Variants in KMT2C observed in about 807,000 individuals in gnomAD.
KMT2C encodes lysine methyltransferase 2C, also known as histone-lysine N-methyltransferase 2C.
In KMT2C, 88 loss-of-function variants were observed where a neutral mutation model predicts 507.9. That is an observed-to-expected ratio of 0.17 (90% CI 0.15 to 0.21). The LOEUF is 0.21. Ranked by LOEUF, KMT2C falls within the 10% of genes least tolerant of loss-of-function variation. KMT2C has a pLI of 1.00. For synonymous variants in KMT2C, 2,049 were observed against 2,080.8 expected, an observed-to-expected ratio of 0.98 and a Z score of 0.42; for missense variants, 4,954 against 5,957.8, an observed-to-expected ratio of 0.83 and a Z score of 5.55.
chr7:152,345,158 C>T (rs919344903), intron 2 of KMT2C, among the ~76,000 whole-genome samples: 40 of 152,084 alleles, frequency 2.6e-4, no homozygotes, highest in South Asian at 2.1e-4. Context: ...GGTGGCTCAT[C>T]CCAGTAATCC....
In KMT2C at chr7:152,329,576, T is replaced by TA. The variant is rs1316478343; in HGVS notation, c.389+1024dup. On this transcript the variant is annotated intron_variant, in intron 3 of 58. Coordinates refer to ENST00000262189, the MANE Select transcript of KMT2C (RefSeq NM_170606.3). The stretch of plus-strand genomic sequence containing the variant: ...CAGAGTAAGACCTTGCCTCAAAAAA[T>TA]AAAAAAAAAAAGAAAGGAAAGGAAG... Among the ~76,000 whole-genome samples, 343 of 74,606 alleles carry TA rather than the reference T, an allele frequency of 4.6e-3. 1 individual carries two copies. Among genetic ancestry groups the TA allele is most frequent in the Admixed American group, 8.5e-3 (57 of 6,706 alleles). The allele number at this position is 74,606 out of a possible 152,430, so 48.9% of individuals were successfully genotyped here.
intron 55 of KMT2C, among the ~76,000 whole-genome samples, chr7:152,141,935 T>A (rs1339691396): frequency 6.6e-6 from 1 of 151,920 alleles, no homozygotes; most frequent in Non-Finnish European, 1.5e-5. Flanking sequence ...GGTAAGAGGA[T>A]CGCTTGAGCC....
chr7:152,239,176 C>G (rs1298802277), intron 14 of KMT2C: 2 of 189,398 alleles, frequency 1.1e-5, no homozygotes, highest in Non-Finnish European at 2.1e-5. Flanking sequence ...AGAATTAACA[C>G]TAGAAGAAAG....
At chr7:152,382,137 G>A (rs1403693200) in intron 1 of KMT2C, among the ~76,000 whole-genome samples, 1 of 152,182 alleles carries the variant, frequency 6.6e-6, no homozygotes, top group African/African-American at 2.4e-5. Flanking sequence ...TCCCTCAGGA[G>A]TAGCCTTTTT....
rs2129089899 is a variant in KMT2C, at chr7:152,139,751, G to A, written c.14384C>T (p.Thr4795Ile). ...AGTCCCGATGTACTCAATGACCATG[G>A]TGTGTTTCTCAATGTCTCGAGCAGC... ...LYAARDIEKH[T>I]MVIEYIGTII... Residue 4795 changes from threonine (T) to isoleucine (I), a missense_variant, in exon 56 of 59, where the codon ACC (threonine) becomes ATC (isoleucine). Thr to Ile is a moderately conservative substitution (Grantham distance 89). This residue lies in a region of KMT2C where 133 missense variants were observed against 258.9 expected (regional missense o/e 0.51). Coordinates refer to ENST00000262189, the MANE Select transcript of KMT2C (RefSeq NM_170606.3). 1.2e-6 allele frequency: 2 copies of A among 1,614,026 alleles called. No individual in the cohort carries two copies. The highest frequency in any genetic ancestry group is 1.7e-6 in the Non-Finnish European group (2 of 1,179,988).
chr7:152,252,919 C>T (rs934378626), intron 9 of KMT2C, among the ~76,000 whole-genome samples: 6 of 151,830 alleles, frequency 4.0e-5, no homozygotes, highest in African/African-American at 1.5e-4. Context: ...GTGGCGCAAT[C>T]TTGGCTCACT....
intron 41 of KMT2C, among the ~76,000 whole-genome samples, chr7:152,168,397 T>G (rs951657316): frequency 6.6e-6 from 1 of 152,206 alleles, no homozygotes; most frequent in South Asian, 2.1e-4. Flanking sequence ...TAGTAACAAT[T>G]AATGTAGGGG....
chr7:152,166,619 G>T (rs887155627), intron 42 of KMT2C, among the ~76,000 whole-genome samples: 2 of 151,712 alleles, frequency 1.3e-5, no homozygotes, highest in Non-Finnish European at 2.9e-5. Context: ...CATTTTTCTG[G>T]AACAGTACTT....
intron 32 of KMT2C, 56 bp from the exon 33 acceptor site, chr7:152,187,532 G>C (rs541411229): frequency 1.3e-6 from 2 of 1,494,118 alleles, no homozygotes; most frequent in African/African-American, 2.8e-5. Context: ...CTTAATATAT[G>C]TTCAAGTATA....
intron 9 of KMT2C, among the ~76,000 whole-genome samples, chr7:152,253,238 A>C (rs2095590011): frequency 6.6e-6 from 1 of 152,156 alleles, no homozygotes; most frequent in Admixed American, 6.5e-5. Context: ...AGGAAAATTT[A>C]AATAAGGGAA....
chr7:152,381,538 G>C (rs1209519265), intron 1 of KMT2C, among the ~76,000 whole-genome samples: 1 of 152,138 alleles, frequency 6.6e-6, no homozygotes, highest in Non-Finnish European at 1.5e-5. Flanking sequence ...CTCTTCCATA[G>C]TAATTGTTAA....
intron 48 of KMT2C, 101 bp from the exon 49 acceptor site, chr7:152,153,055 A>G (rs2129097961): frequency 4.3e-6 from 6 of 1,392,370 alleles, no homozygotes; most frequent in Non-Finnish European, 2.9e-6. Context: ...CATGATACAT[A>G]GATTCTAAGA....
intron 38 of KMT2C, among the ~76,000 whole-genome samples, chr7:152,174,558 A>G (rs1377447882): frequency 6.6e-6 from 1 of 152,220 alleles, no homozygotes; most frequent in Non-Finnish European, 1.5e-5. Context: ...TTTAGTAAAT[A>G]TAACATCACA....
chr7:152,243,462 G>A (rs556636510), intron 14 of KMT2C, among the ~76,000 whole-genome samples: 1 of 152,262 alleles, frequency 6.6e-6, no homozygotes, highest in South Asian at 2.1e-4. Context: ...CAGTACCTAT[G>A]TTTTCATTTA....
intron 6 of KMT2C, among the ~76,000 whole-genome samples, chr7:152,274,208 T>C (rs1300836002): frequency 1.3e-5 from 2 of 152,110 alleles, no homozygotes; most frequent in Non-Finnish European, 2.9e-5. Flanking sequence ...ATATTGAGGA[T>C]TATTATAAAG....
chr7:152,252,642 T>C lies in KMT2C; in HGVS notation c.1373A>G (p.Asn458Ser). The change falls in exon 10 of 59, where the codon AAT becomes AGT. Residue 458 changes from asparagine (N) to serine (S), a missense_variant. Around this residue, in one of 29 missense-constraint regions of KMT2C, gnomAD observed 376 missense variants for 352.4 expected, o/e 1.07. Transcript: ENST00000262189. ...QWHHNCLICD[N>S]CYQQQDNLCP... ...TAAGTTATCCTGCTGTTGGTAACAA[T>C]TGTCACATATCAGGCAATTGTGGTG... 7.4e-6 allele frequency: 12 copies of C among 1,613,544 alleles called. No individual in the cohort carries two copies. Among genetic ancestry groups the C allele is most frequent in the South Asian group, 6.6e-5 (6 of 91,066 alleles).
intron 2 of KMT2C, among the ~76,000 whole-genome samples, chr7:152,346,762 A>G (rs1176537292): frequency 6.6e-6 from 1 of 152,214 alleles, no homozygotes; most frequent in Non-Finnish European, 1.5e-5. Context: ...CAGTAGATTA[A>G]CAAATATTTC....
chr7:152,320,197 T>TTCCAAAATCCAAAAAAAA (rs1161703972), intron 3 of KMT2C, among the ~76,000 whole-genome samples: 1 of 152,164 alleles, frequency 6.6e-6, no homozygotes, highest in African/African-American at 2.4e-5. Flanking sequence ...TGTGCAAATA[T>TTCCAAAATCCAAAAAAAA]TCCAAAATCC....
At chr7:152,180,661 C>G (rs1419239775) in intron 36 of KMT2C, 50 bp downstream of exon 36, 1 of 1,350,048 alleles carries the variant, frequency 7.4e-7, no homozygotes. Context: ...ATGAAATGAA[C>G]AGCTTCCTCA....
Sources: allele counts gnomAD v4.1 joint callset (sites outside exome capture counted in the v4.1 genomes callset), GRCh38; gene constraint gnomAD v4.1.1; regional missense constraint gnomAD v4.1.1; transcripts MANE v1.5; gene names NCBI Gene and HGNC (gene_info 2026-07-23, HGNC 2026-07-21).